SPAG16: variants seen among roughly 807,000 people sequenced by gnomAD.
SPAG16 encodes sperm associated antigen 16, also known as sperm-associated antigen 16 protein.
A neutral mutation model predicts 80.4 loss-of-function variants in SPAG16; 86 were observed. The observed-to-expected ratio is 1.07, with a 90% CI of 0.90 to 1.28. SPAG16 has a LOEUF of 1.28. SPAG16 is among the 50% of genes most tolerant of loss of function. SPAG16 has a pLI of 0.00. For missense variants in SPAG16, 870 were observed against 765.3 expected (o/e 1.14, Z -1.61); for synonymous variants, 294 against 265.9 (o/e 1.11, Z -1.03).
At chr2:214,003,316 G>A (rs948503028) in intron 12 of SPAG16, among the ~76,000 whole-genome samples, 9 of 152,170 alleles carry the variant, frequency 5.9e-5, no homozygotes, top group Non-Finnish European at 1.2e-4. Flanking sequence ...ATTTATTAAA[G>A]ATAATTTCTA....
intron 7 of SPAG16, among the ~76,000 whole-genome samples, chr2:213,362,026 T>C (rs1353510447): frequency 6.6e-6 from 1 of 152,028 alleles, no homozygotes; most frequent in East Asian, 1.9e-4. Context: ...GAATCTCCCA[T>C]CAGTACCAGA....
At chr2:213,682,173 C>G (rs1385166426) in intron 10 of SPAG16, among the ~76,000 whole-genome samples, 1 of 152,170 alleles carries the variant, frequency 6.6e-6, no homozygotes, top group Non-Finnish European at 1.5e-5. Flanking sequence ...TGTATCTGCC[C>G]TATTTCCTGA....
chr2:214,171,306 G>T (rs955323779), intron 15 of SPAG16, among the ~76,000 whole-genome samples: 1 of 151,810 alleles, frequency 6.6e-6, no homozygotes, highest in Non-Finnish European at 1.5e-5. Flanking sequence ...CCTTTACATT[G>T]AAATAGATAG....
intron 10 of SPAG16, among the ~76,000 whole-genome samples, chr2:213,497,438 T>A (rs2074540834): frequency 6.7e-6 from 1 of 149,980 alleles, no homozygotes; most frequent in East Asian, 1.9e-4. Context: ...CAGAAGGTGT[T>A]CTACCTTGTT....
At chr2:213,761,727 G>A (rs1254141370) in intron 10 of SPAG16, among the ~76,000 whole-genome samples, 6 of 151,852 alleles carry the variant, frequency 4.0e-5, no homozygotes, top group South Asian at 2.1e-4. Flanking sequence ...TTAGCTGGGC[G>A]TGGTGGCGGG....
rs190913018 is a variant in SPAG16 at position 213,299,994 on chromosome 2, C to G, written c.279+2637C>G. ...GAAGCTGGGTCTCCCCTTCTAAATTCTGAGCCTTTTTATAAGTGTATTTTT... is the reference window on the plus strand; with the variant it reads ...GAAGCTGGGTCTCCCCTTCTAAATTGTGAGCCTTTTTATAAGTGTATTTTT... On this transcript the variant is annotated intron_variant, in intron 3 of 15. Transcript: ENST00000331683. 3.9e-3 allele frequency among the ~76,000 whole-genome samples: 594 copies of G among 152,216 alleles called. 2 individuals are homozygous for G. The highest frequency in any genetic ancestry group is 6.6e-3 in the Non-Finnish European group (447 of 67,980).
intron 13 of SPAG16, among the ~76,000 whole-genome samples, chr2:214,053,793 A>T (rs1053282251): frequency 2.0e-5 from 3 of 152,332 alleles, no homozygotes; most frequent in South Asian, 4.1e-4. Context: ...GCTGAGAATC[A>T]GTCTATTCAT....
intron 10 of SPAG16, among the ~76,000 whole-genome samples, chr2:213,841,480 A>C (rs1473584171): frequency 6.6e-6 from 1 of 152,182 alleles, no homozygotes; most frequent in Non-Finnish European, 1.5e-5. Context: ...GAATCACTTT[A>C]AGGGAAATAG....
At chr2:213,920,358 C>T (rs537659655) in intron 11 of SPAG16, among the ~76,000 whole-genome samples, 147 of 152,222 alleles carry the variant, frequency 9.7e-4, no homozygotes, top group African/African-American at 3.1e-3. Context: ...CTTGTTTGTG[C>T]GGTTGCTTTA....
chr2:213,725,632 G>A (rs1312791040), intron 10 of SPAG16, among the ~76,000 whole-genome samples: 1 of 152,194 alleles, frequency 6.6e-6, no homozygotes, highest in African/African-American at 2.4e-5. Context: ...ACATAAAGAA[G>A]AGGGTGCGGC....
intron 13 of SPAG16, among the ~76,000 whole-genome samples, chr2:214,030,629 T>G (rs2048358457): frequency 6.6e-6 from 1 of 152,208 alleles, no homozygotes; most frequent in African/African-American, 2.4e-5. Flanking sequence ...TCAAGTTAAT[T>G]TAAGTCTATG....
chr2:213,480,083 A>G (rs981132030), intron 9 of SPAG16, among the ~76,000 whole-genome samples: 2 of 152,242 alleles, frequency 1.3e-5, no homozygotes, highest in African/African-American at 4.8e-5. Context: ...ATGCATTATC[A>G]GAAAGAAGAT....
intron 12 of SPAG16, among the ~76,000 whole-genome samples, chr2:213,950,497 G>A (rs2079697825): frequency 6.6e-6 from 1 of 152,006 alleles, no homozygotes; most frequent in African/African-American, 2.4e-5. Context: ...CTTTAACAGT[G>A]GAGTCTGCTG....
At chr2:213,288,169 T>C (rs2062125510) in intron 1 of SPAG16, among the ~76,000 whole-genome samples, 1 of 152,146 alleles carries the variant, frequency 6.6e-6, no homozygotes, top group Admixed American at 6.5e-5. Context: ...CCTACTGCCT[T>C]GGCCTCCCAA....
chr2:214,001,299 C>A (rs905123358), intron 12 of SPAG16, among the ~76,000 whole-genome samples: 2 of 152,038 alleles, frequency 1.3e-5, no homozygotes, highest in Non-Finnish European at 2.9e-5. Flanking sequence ...TTCTGTTGAC[C>A]TTTTCTATCT....
chr2:214,009,627 T>C (rs191017750), intron 12 of SPAG16, among the ~76,000 whole-genome samples: 5 of 152,226 alleles, frequency 3.3e-5, no homozygotes, highest in East Asian at 1.9e-4. Context: ...GGCAGGCTCA[T>C]TGAGAGTTAA....
At chr2:213,998,758 A>G (rs1434747236) in intron 12 of SPAG16, among the ~76,000 whole-genome samples, 2 of 152,206 alleles carry the variant, frequency 1.3e-5, no homozygotes, top group African/African-American at 4.8e-5. Context: ...TATGGACACT[A>G]AGGTCCAGGC....
At chr2:213,847,862 G>GACAC (rs71063790) in intron 10 of SPAG16, among the ~76,000 whole-genome samples, 2,366 of 149,964 alleles carry the variant, frequency 0.016, 74 homozygotes, top group African/African-American at 0.055. Context: ...ATAAACAAAT[G>GACAC]ACACACACAC....
At chr2:214,103,017 C>T (rs547436279) in intron 13 of SPAG16, among the ~76,000 whole-genome samples, 16 of 152,136 alleles carry the variant, frequency 1.1e-4, no homozygotes, top group African/African-American at 3.9e-4. Flanking sequence ...GTTTTCCTTA[C>T]CCTTTGGAAT....
Sources: allele counts gnomAD v4.1 joint callset (sites outside exome capture counted in the v4.1 genomes callset), GRCh38; gene constraint gnomAD v4.1.1; transcripts MANE v1.5; gene names NCBI Gene and HGNC (gene_info 2026-07-23, HGNC 2026-07-21).